The following SHC3 variants were observed in gnomAD, a reference collection of about 807,000 sequenced individuals.
SHC3 encodes the protein SHC adaptor protein 3.
A neutral mutation model predicts 60.4 loss-of-function variants in SHC3; 15 were observed. The observed-to-expected ratio is 0.25, with a 90% CI of 0.17 to 0.38. The LOEUF (loss-of-function observed/expected upper bound fraction) is 0.38, where lower values mean the gene tolerates loss of function less well. SHC3 is among the 10% of genes least tolerant of loss of function. The pLI is 1.00. For synonymous variants in SHC3, 294 were observed against 325.9 expected, an observed-to-expected ratio of 0.90 and a Z score of 1.05; for missense variants, 677 against 786.1, an observed-to-expected ratio of 0.86 and a Z score of 1.66.
chr9:89,174,862 G>C (rs1042713852), intron 1 of SHC3, among the ~76,000 whole-genome samples: 1 of 152,206 alleles, frequency 6.6e-6, no homozygotes, highest in East Asian at 1.9e-4. Context: ...CCCCTGCACT[G>C]TTCATATTCC....
intron 2 of SHC3, among the ~76,000 whole-genome samples, chr9:89,084,359 A>G (rs1825494186): frequency 6.6e-6 from 1 of 152,224 alleles, no homozygotes; most frequent in Non-Finnish European, 1.5e-5. Context: ...AAAGTATCCT[A>G]TATATTCACA....
At chr9:89,132,481 G>A (rs1826261519) in intron 1 of SHC3, among the ~76,000 whole-genome samples, 1 of 152,134 alleles carries the variant, frequency 6.6e-6, no homozygotes, top group Non-Finnish European at 1.5e-5. Flanking sequence ...AACAAAGCTG[G>A]AGGCATCATA....
At chr9:89,082,178 G>A (rs960886165) in intron 2 of SHC3, among the ~76,000 whole-genome samples, 4 of 152,120 alleles carry the variant, frequency 2.6e-5, no homozygotes, top group Admixed American at 2.6e-4. Flanking sequence ...TCCTCTCAGG[G>A]ACACTTTCCT....
intron 6 of SHC3, among the ~76,000 whole-genome samples, chr9:89,060,746 AC>A (rs564683095): frequency 7.2e-5 from 11 of 152,112 alleles, no homozygotes; most frequent in Non-Finnish European, 1.6e-4. Context: ...TGCCATGTGG[AC>A]AAAAAACTTT....
At chr9:89,172,485 G>A (rs1237555721) in intron 1 of SHC3, among the ~76,000 whole-genome samples, 1 of 151,642 alleles carries the variant, frequency 6.6e-6, no homozygotes, top group African/African-American at 2.4e-5. Flanking sequence ...GGCATATTGT[G>A]CAGCTGCACA....
At chr9:89,147,396 C>G (rs1826483956) in intron 1 of SHC3, among the ~76,000 whole-genome samples, 1 of 152,122 alleles carries the variant, frequency 6.6e-6, no homozygotes, top group South Asian at 2.1e-4. Context: ...TGTGCCAACT[C>G]CCCACCCATC....
At chr9:89,119,647 A>C (rs112325824) in intron 1 of SHC3, among the ~76,000 whole-genome samples, 2 of 152,336 alleles carry the variant, frequency 1.3e-5, no homozygotes, top group African/African-American at 4.8e-5. Context: ...ATGTGGAAAG[A>C]CATGTCATGC....
chr9:89,173,339 GT>G (rs1826896377), intron 1 of SHC3, among the ~76,000 whole-genome samples: 1 of 152,268 alleles, frequency 6.6e-6, no homozygotes, highest in Non-Finnish European at 1.5e-5. Context: ...TTGCAAGTGG[GT>G]TCACGTGTTT....
At chr9:89,037,953 C>T in intron 11 of SHC3, 40 bp downstream of exon 11, 2 of 1,593,664 alleles carry the variant, frequency 1.3e-6, no homozygotes, top group Non-Finnish European at 1.7e-6. Flanking sequence ...CAGGTCTGCA[C>T]CCACTGGCAG....
chr9:89,112,699 G>T, intron 1 of SHC3, 73 bp from the exon 2 acceptor site: 2 of 1,309,240 alleles, frequency 1.5e-6, no homozygotes, highest in Non-Finnish European at 2.1e-6. Flanking sequence ...CTATACAAGG[G>T]CATTTTTGGG....
At chr9:89,072,335 A>G (rs1242496575) in intron 4 of SHC3, among the ~76,000 whole-genome samples, 2 of 152,168 alleles carry the variant, frequency 1.3e-5, no homozygotes, top group African/African-American at 4.8e-5. Flanking sequence ...AATCTGTCTC[A>G]CCCACACACC....
intron 1 of SHC3, among the ~76,000 whole-genome samples, chr9:89,136,065 A>C (rs542602633): frequency 6.6e-6 from 1 of 152,262 alleles, no homozygotes; most frequent in Admixed American, 6.5e-5. Context: ...GACCCTCACC[A>C]AACTGATGCT....
chr9:89,141,219 C>T (rs991328912), intron 1 of SHC3, among the ~76,000 whole-genome samples: 2 of 152,200 alleles, frequency 1.3e-5, no homozygotes, highest in African/African-American at 2.4e-5. Context: ...AGAGAAAGTA[C>T]TGCCACGTAT....
At chr9:89,108,003 C>A (rs770478320) in intron 2 of SHC3, among the ~76,000 whole-genome samples, 4 of 152,170 alleles carry the variant, frequency 2.6e-5, no homozygotes, top group Non-Finnish European at 4.4e-5. Context: ...TTTCACTCTA[C>A]CTTTTCTATG....
chr9:89,147,592 C>G (rs192279902), intron 1 of SHC3, among the ~76,000 whole-genome samples: 1 of 152,244 alleles, frequency 6.6e-6, no homozygotes, highest in Admixed American at 6.5e-5. Flanking sequence ...GCCCTCCTCA[C>G]TCCTCGAGTA....
intron 10 of SHC3, 137 bp downstream of exon 10, chr9:89,041,889 A>C: frequency 9.0e-7 from 1 of 1,112,722 alleles, no homozygotes; most frequent in Non-Finnish European, 1.3e-6. Flanking sequence ...ATCATCACCC[A>C]GAAAAGTACA....
In SHC3 at chr9:89,052,107, C is replaced by T. The variant is rs753028584; in HGVS notation, c.892G>A (p.Gly298Arg). The change falls in exon 7 of 12, where the codon GGA becomes AGA. Residue 298 changes from glycine (G) to arginine (R), a missense_variant. By Grantham distance (125) the Gly-to-Arg change is moderately radical. Coordinates refer to ENST00000375835, the MANE Select transcript of SHC3 (RefSeq NM_016848.6). ...GLAQDVIGSI[G>R]QAFELRFKQY... ...TTAAACCGGAGCTCAAAGGCTTGTC[C>T]GATGGAGCCGATGACATCCTGGGCC... The T allele has an allele frequency of 3.7e-6, 6 of 1,614,102 alleles. No homozygotes were observed. Among genetic ancestry groups the T allele is most frequent in the Non-Finnish European group, 5.1e-6 (6 of 1,179,982 alleles).
intron 1 of SHC3, among the ~76,000 whole-genome samples, chr9:89,175,611 T>G (rs1400074215): frequency 6.6e-6 from 1 of 152,222 alleles, no homozygotes; most frequent in Non-Finnish European, 1.5e-5. Context: ...GTATATAAAT[T>G]TTCCAGGAAA....
chr9:89,066,529 C>T (rs1564115561), intron 5 of SHC3, among the ~76,000 whole-genome samples: 1 of 152,172 alleles, frequency 6.6e-6, no homozygotes, highest in Non-Finnish European at 1.5e-5. Flanking sequence ...CAACCATATG[C>T]ATTTTAATTC....
Sources: allele counts gnomAD v4.1 joint callset (sites outside exome capture counted in the v4.1 genomes callset), GRCh38; gene constraint gnomAD v4.1.1; transcripts MANE v1.5; gene names NCBI Gene and HGNC (gene_info 2026-07-23, HGNC 2026-07-21).